UGT1A10: variants seen among roughly 807,000 people sequenced by gnomAD.
The protein encoded by UGT1A10 is UDP-glucuronosyltransferase 1A10.
In UGT1A10, 49 loss-of-function variants were observed where a neutral mutation model predicts 45.8. The ratio of observed to expected loss-of-function variants is 1.07; its 90% CI spans 0.85 to 1.36. The LOEUF (loss-of-function observed/expected upper bound fraction) is 1.36, where lower values mean the gene tolerates loss of function less well. UGT1A10 is among the 40% of genes most tolerant of loss of function. The probability of loss-of-function intolerance (pLI) is 0.00; values close to 1 mark genes in which losing one functional copy is unlikely to be tolerated. For synonymous variants in UGT1A10, 284 were observed against 249.7 expected (o/e 1.14, Z -1.29); for missense variants, 745 against 668.6 (o/e 1.11, Z -1.26).
chr2:233,737,563 C>G (rs1384498695), intron 1 of UGT1A10, among the ~76,000 whole-genome samples: 1 of 152,164 alleles, frequency 6.6e-6, no homozygotes, highest in Non-Finnish European at 1.5e-5. Context: ...GTGGGATGCA[C>G]CCACTATCCA....
intron 1 of UGT1A10, among the ~76,000 whole-genome samples, chr2:233,707,311 A>G (rs2075954377): frequency 1.3e-5 from 2 of 152,116 alleles, no homozygotes; most frequent in Non-Finnish European, 2.9e-5. Context: ...GGTTTGTTAC[A>G]TAGCTAAACA....
intron 1 of UGT1A10, chr2:233,682,769 C>A (rs2074598452): frequency 1.2e-6 from 2 of 1,613,578 alleles, no homozygotes; most frequent in Non-Finnish European, 8.5e-7. Flanking sequence ...TATCAACTGT[C>A]ATCAGGGAAA....
At chr2:233,648,440 T>TTTA (rs71058568) in intron 1 of UGT1A10, 33,249 of 156,618 alleles carry the variant, frequency 0.21, 4,563 homozygotes, top group South Asian at 0.37. Flanking sequence ...GCTGTGACTT[T>TTTA]TTATTATTAT....
intron 1 of UGT1A10, among the ~76,000 whole-genome samples, chr2:233,687,643 A>G (rs1430183342): frequency 6.6e-6 from 1 of 151,812 alleles, no homozygotes; most frequent in Non-Finnish European, 1.5e-5. Flanking sequence ...TGGCTCACAC[A>G]TGTAATCACA....
rs755405056 is a variant in UGT1A10 at position 233,661,627 on chromosome 2, C to CTTTCTTTCT, written c.855+24253_855+24261dup. ...CTGCAGTGAAGACTTACTGAATTTT[C>CTTTCTTTCT]TTTCTTTCTTTCTTTCTTTCTTTCT... On this transcript the variant is annotated intron_variant, in intron 1 of 4. Coordinates refer to ENST00000344644, the MANE Select transcript of UGT1A10 (RefSeq NM_019075.4). 8.6e-3 allele frequency among the ~76,000 whole-genome samples: 909 copies of CTTTCTTTCT among 106,190 alleles called. 14 individuals carry two copies. Among genetic ancestry groups the CTTTCTTTCT allele is most frequent in the South Asian group, 0.025 (72 of 2,902 alleles). 69.7% of individuals were successfully genotyped at this position (106,190 alleles called of 152,430 possible).
chr2:233,693,456 C>G, intron 1 of UGT1A10: 1 of 1,614,120 alleles, frequency 6.2e-7, no homozygotes, highest in Non-Finnish European at 8.5e-7. Flanking sequence ...TTCACAGACC[C>G]AGCCTTACCC....
intron 1 of UGT1A10, among the ~76,000 whole-genome samples, chr2:233,659,660 C>A (rs929382629): frequency 6.6e-6 from 1 of 151,970 alleles, no homozygotes; most frequent in Non-Finnish European, 1.5e-5. Flanking sequence ...CAGGCGCACT[C>A]GATTTAACTT....
At chr2:233,744,264 T>C (rs1692755909) in intron 1 of UGT1A10, among the ~76,000 whole-genome samples, 2 of 151,788 alleles carry the variant, frequency 1.3e-5, no homozygotes, top group Admixed American at 1.3e-4. Flanking sequence ...CTGTTTTTCT[T>C]AAAGTAGGCT....
chr2:233,716,876 G>C (rs1278140723), intron 1 of UGT1A10, among the ~76,000 whole-genome samples: 4 of 152,084 alleles, frequency 2.6e-5, no homozygotes, highest in Non-Finnish European at 5.9e-5. Flanking sequence ...AAGTCTATCT[G>C]TGCAGCCCAG....
intron 1 of UGT1A10, chr2:233,649,089 T>C: frequency 2.3e-6 from 2 of 870,612 alleles, no homozygotes; most frequent in Non-Finnish European, 1.6e-6. Flanking sequence ...AAAAGATTCC[T>C]TACGGAACTG....
At chr2:233,761,199 A>C in intron 1 of UGT1A10, 1 of 1,614,054 alleles carries the variant, frequency 6.2e-7, no homozygotes, top group Non-Finnish European at 8.5e-7. Flanking sequence ...TTTCAGATGT[A>C]TTACTTTGGA....
At chr2:233,671,434 G>A (rs774226674) in intron 1 of UGT1A10, among the ~76,000 whole-genome samples, 1 of 152,162 alleles carries the variant, frequency 6.6e-6, no homozygotes, top group African/African-American at 2.4e-5. Context: ...AGACACAGGC[G>A]AGCCCCAATT....
intron 1 of UGT1A10, chr2:233,719,318 G>C (rs368511777): frequency 5.0e-6 from 8 of 1,613,836 alleles, no homozygotes; most frequent in African/African-American, 1.3e-5. Flanking sequence ...AGTACCTGTC[G>C]ATTCCTGCTG....
intron 1 of UGT1A10, chr2:233,691,175 CT>C (rs2075031493): frequency 1.0e-6 from 1 of 985,574 alleles, no homozygotes; most frequent in South Asian, 4.7e-5. Flanking sequence ...TAATGTCTGC[CT>C]GCTCAAGAAG....
intron 1 of UGT1A10, chr2:233,743,219 T>A (rs1133491): frequency 5.8e-5 from 24 of 411,238 alleles, no homozygotes; most frequent in Middle Eastern, 7.1e-4. Flanking sequence ...TAACTGCTCT[T>A]TGCTATTTAT....
At chr2:233,693,016 C>G (rs769422699) in intron 1 of UGT1A10, 1 of 1,613,998 alleles carries the variant, frequency 6.2e-7, no homozygotes, top group Non-Finnish European at 8.5e-7. Context: ...TGGCCTGCCT[C>G]CTTCGCTCAT....
chr2:233,666,164 C>G (rs1009755387), intron 1 of UGT1A10, among the ~76,000 whole-genome samples: 1 of 152,134 alleles, frequency 6.6e-6, no homozygotes, highest in Non-Finnish European at 1.5e-5. Flanking sequence ...AAAAAGGAGG[C>G]AGGTGCCAGG....
At chr2:233,672,279 C>A in intron 1 of UGT1A10, 1 of 1,613,760 alleles carries the variant, frequency 6.2e-7, no homozygotes, top group Admixed American at 1.7e-5. Flanking sequence ...CATACAATGA[C>A]ATTTTTGACT....
chr2:233,717,065 A>G (rs1043172308), intron 1 of UGT1A10, among the ~76,000 whole-genome samples: 4 of 152,172 alleles, frequency 2.6e-5, no homozygotes, highest in Admixed American at 6.5e-5. Context: ...TAGGAGTGCC[A>G]GACACGTAAC....
Sources: allele counts gnomAD v4.1 joint callset (sites outside exome capture counted in the v4.1 genomes callset), GRCh38; gene constraint gnomAD v4.1.1; transcripts MANE v1.5; gene names NCBI Gene and HGNC (gene_info 2026-07-23, HGNC 2026-07-21).